The following RAB1A variants were observed in gnomAD, a reference collection of about 807,000 sequenced individuals.
RAB1A encodes the protein RAB1A, member RAS oncogene family.
In RAB1A, 2 loss-of-function variants were observed where a neutral mutation model predicts 26.0. The observed-to-expected ratio is 0.08, with a 90% CI of 0.03 to 0.24. The LOEUF (loss-of-function observed/expected upper bound fraction) is 0.24, where lower values mean the gene tolerates loss of function less well. Ranked by LOEUF, RAB1A falls within the 10% of genes least tolerant of loss-of-function variation. The pLI is 1.00. For missense variants in RAB1A, 100 were observed against 247.0 expected (o/e 0.40, Z 3.99); for synonymous variants, 84 against 84.9 (o/e 0.99, Z 0.06).
intron 2 of RAB1A, among the ~76,000 whole-genome samples, chr2:65,102,807 T>A (rs993894665): frequency 6.6e-6 from 1 of 151,606 alleles, no homozygotes; most frequent in African/African-American, 2.4e-5. Flanking sequence ...GTGCCTATAA[T>A]CCCAGCTACT....
chr2:65,087,040 A>G lies in RAB1A; in HGVS notation c.*1453T>C, dbSNP rs1357684708. The G allele has an allele frequency of 2.0e-5, 3 of 152,246 alleles. No individual in the cohort carries two copies. The highest frequency in any genetic ancestry group is 4.4e-5 in the Non-Finnish European group (3 of 68,034). The allele number at this position is 152,246 out of a possible 1,614,324, so 9.4% of individuals were successfully genotyped here. A position where few individuals can be genotyped will look rare whatever the true frequency, so the allele number is the denominator to read the frequency against. ...GCTTGTGTTTAGCTTAAATTTTATC[A>G]TTAAATTAAGGAGCCCACAACAAAA... On this transcript the variant is annotated 3_prime_UTR_variant, in exon 6 of 6. Coordinates refer to ENST00000409784, the MANE Select transcript of RAB1A (RefSeq NM_004161.5).
chr2:65,126,440 C>CAA (rs374239676), intron 1 of RAB1A, among the ~76,000 whole-genome samples: 3 of 146,310 alleles, frequency 2.1e-5, no homozygotes, highest in African/African-American at 7.5e-5. Flanking sequence ...GATTCCGTCT[C>CAA]AAAAAAAAAA....
chr2:65,118,073 AG>A (rs1669865662), intron 1 of RAB1A, among the ~76,000 whole-genome samples: 1 of 152,150 alleles, frequency 6.6e-6, no homozygotes, highest in Admixed American at 6.5e-5. Flanking sequence ...TTATTGTGGC[AG>A]TTAAGGGAAA....
chr2:65,088,745 AG>A, intron 5 of RAB1A, 55 bp from the exon 6 acceptor site: 1 of 1,461,600 alleles, frequency 6.8e-7, no homozygotes, highest in Non-Finnish European at 9.3e-7. Flanking sequence ...ACTAATTCTT[AG>A]TGCATTTCTA....
chr2:65,123,810 ACT>A (rs950623089), intron 1 of RAB1A, among the ~76,000 whole-genome samples: 6 of 151,714 alleles, frequency 4.0e-5, no homozygotes, highest in Admixed American at 2.0e-4. Flanking sequence ...ACAAAGTGAG[ACT>A]CTGTCTCAAA....
chr2:65,122,993 A>AAAGC (rs1471663808), intron 1 of RAB1A, among the ~76,000 whole-genome samples: 1 of 150,798 alleles, frequency 6.6e-6, no homozygotes, highest in Non-Finnish European at 1.5e-5. Context: ...AAAAAAAAAA[A>AAAGC]AAGCAAGCTC....
At position 65,087,670 on chromosome 2, in the gene RAB1A, A is replaced by G. The variant is rs762483968; in HGVS notation, c.*823T>C. On this transcript the variant is annotated 3_prime_UTR_variant, in exon 6 of 6. Coordinates refer to ENST00000409784, the MANE Select transcript of RAB1A (RefSeq NM_004161.5). ...GCTCCCTGAACCACTGAAGTTGGTT[A>G]AATCCCTACACAGCACAGAAGCCCC... 5 of 152,630 alleles carry G rather than the reference A, an allele frequency of 3.3e-5. No individual in the cohort carries two copies. The highest frequency in any genetic ancestry group is 3.3e-4 in the Admixed American group (5 of 15,282). 9.5% of individuals were successfully genotyped at this position (152,630 alleles called of 1,614,324 possible).
At chr2:65,112,813 T>C (rs1301651367) in intron 1 of RAB1A, among the ~76,000 whole-genome samples, 1 of 152,194 alleles carries the variant, frequency 6.6e-6, no homozygotes, top group African/African-American at 2.4e-5. Flanking sequence ...AAGTCAACTT[T>C]TGGTCTACTT....
At chr2:65,118,666 C>T (rs1479935233) in intron 1 of RAB1A, among the ~76,000 whole-genome samples, 1 of 152,056 alleles carries the variant, frequency 6.6e-6, no homozygotes, top group Non-Finnish European at 1.5e-5. Context: ...TTAGTAGAGA[C>T]AGGGTTTCAC....
At chr2:65,105,782 A>C (rs1157566635) in intron 1 of RAB1A, among the ~76,000 whole-genome samples, 2 of 149,346 alleles carry the variant, frequency 1.3e-5, no homozygotes, top group Non-Finnish European at 3.0e-5. Flanking sequence ...TTTTTTTTTG[A>C]GACGGAGTCT....
intron 2 of RAB1A, among the ~76,000 whole-genome samples, chr2:65,104,235 T>A (rs993084734): frequency 7.2e-5 from 11 of 152,000 alleles, no homozygotes; most frequent in African/African-American, 2.4e-4. Context: ...TTTATTAACT[T>A]TTTTTTTCAG....
intron 3 of RAB1A, among the ~76,000 whole-genome samples, chr2:65,093,333 G>A (rs1311042974): frequency 6.6e-6 from 1 of 152,112 alleles, no homozygotes; most frequent in Non-Finnish European, 1.5e-5. Context: ...CAAGTGCCTG[G>A]TGTAATGTAG....
At chr2:65,122,392 C>CA (rs11413874) in intron 1 of RAB1A, among the ~76,000 whole-genome samples, 113,399 of 133,790 alleles carry the variant, frequency 0.85, 48,005 homozygotes, top group East Asian at 0.99. Flanking sequence ...ACAAAAAATA[C>CA]AAAAAAAAAA....
intron 3 of RAB1A, among the ~76,000 whole-genome samples, chr2:65,095,127 G>T (rs1337909691): frequency 6.6e-6 from 1 of 151,518 alleles, no homozygotes; most frequent in Non-Finnish European, 1.5e-5. Context: ...TCAGAAAAAA[G>T]AAAAAAAGAA....
chr2:65,106,842 A>G (rs967122437), intron 1 of RAB1A, among the ~76,000 whole-genome samples: 1 of 151,700 alleles, frequency 6.6e-6, no homozygotes, highest in Non-Finnish European at 1.5e-5. Context: ...ACTACTATTG[A>G]TAAGGTTCCT....
chr2:65,102,627 TA>T (rs35458725), intron 2 of RAB1A, among the ~76,000 whole-genome samples: 74,050 of 145,042 alleles, frequency 0.51, 18,664 homozygotes, highest in East Asian at 0.62. Flanking sequence ...TCTTTCAAGT[TA>T]AAAAAAAAAA....
chr2:65,114,640 G>A (rs1669780890), intron 1 of RAB1A, among the ~76,000 whole-genome samples: 2 of 151,876 alleles, frequency 1.3e-5, no homozygotes, highest in Admixed American at 6.6e-5. Flanking sequence ...TCAGGAGATC[G>A]AGACCATCCT....
intron 1 of RAB1A, among the ~76,000 whole-genome samples, chr2:65,112,142 T>C (rs1669714128): frequency 6.7e-6 from 1 of 148,214 alleles, no homozygotes; most frequent in Non-Finnish European, 1.5e-5. Flanking sequence ...AAATGCTAGC[T>C]CATGATTTTT....
chr2:65,115,929 G>A (rs1301179964), intron 1 of RAB1A, among the ~76,000 whole-genome samples: 1 of 152,140 alleles, frequency 6.6e-6, no homozygotes, highest in African/African-American at 2.4e-5. Context: ...GCCGAGGTGG[G>A]TGGATCACTT....
Sources: allele counts gnomAD v4.1 joint callset (sites outside exome capture counted in the v4.1 genomes callset), GRCh38; gene constraint gnomAD v4.1.1; transcripts MANE v1.5; gene names NCBI Gene and HGNC (gene_info 2026-07-23, HGNC 2026-07-21).